The following FSTL1 variants were observed in gnomAD, a reference collection of about 807,000 sequenced individuals.
FSTL1 encodes the protein follistatin like 1, also known as follistatin-related protein 1.
FSTL1 carries 24 observed loss-of-function variants against 45.9 expected under a neutral mutation model. The observed-to-expected ratio is 0.52, with a 90% confidence interval of 0.38 to 0.74. The LOEUF (loss-of-function observed/expected upper bound fraction) is 0.74, where lower values mean the gene tolerates loss of function less well. FSTL1 is among the 30% of genes least tolerant of loss of function. The pLI is 0.00. For synonymous variants in FSTL1, 120 were observed against 137.6 expected, an observed-to-expected ratio of 0.87 and a Z score of 0.89; for missense variants, 340 against 381.8, an observed-to-expected ratio of 0.89 and a Z score of 0.91.
rs139399236 is a variant in FSTL1 at position 120,450,069 on chromosome 3, C to CG, written c.63+614dup. On this transcript the variant is annotated intron_variant, in intron 2 of 10. Coordinates refer to ENST00000295633, the MANE Select transcript of FSTL1 (RefSeq NM_007085.5). ...CGCTGAAATGCTTTAACTGGAAACT[C>CG]GAGCCCCCAAAGAGCAGAGCAATGG... Among the ~76,000 whole-genome samples the CG allele has an allele frequency of 3.5e-3, 529 of 152,140 alleles. 5 individuals carry two copies. Among genetic ancestry groups the CG allele is most frequent in the Middle Eastern group, 0.014 (4 of 294 alleles).
intron 3 of FSTL1, among the ~76,000 whole-genome samples, chr3:120,414,655 C>T (rs1357620286): frequency 1.3e-5 from 2 of 151,952 alleles, no homozygotes; most frequent in Non-Finnish European, 2.9e-5. Context: ...AAGAAAACTT[C>T]TTCTGCCTTG....
chr3:120,438,166 G>A (rs80032752), intron 2 of FSTL1: 8,614 of 152,264 alleles, frequency 0.057, 283 homozygotes, highest in Middle Eastern at 0.075. Context: ...AAGAAAATGT[G>A]AACATTTACA....
chr3:120,450,687 G>C lies in FSTL1; in HGVS notation c.60C>G (p.Ala20=). ...GACTCCTCGGCCCCTCGCCTACCTC[G>C]GCGCGGACCCAGGCGACCGCCACCA... The part of the protein sequence containing the change: ...LALVAVAWVR[A]EEELRSKSKI... Residue 20 remains alanine, a synonymous_variant, in exon 2 of 11, where the codon GCC becomes GCG. Transcript: ENST00000295633. 6.4e-7 allele frequency: 1 copy of C among 1,567,524 alleles called. No homozygotes were observed. Among genetic ancestry groups the C allele is most frequent in the Non-Finnish European group, 8.6e-7 (1 of 1,164,418 alleles).
chr3:120,444,422 A>C (rs562687908), intron 2 of FSTL1, among the ~76,000 whole-genome samples: 2 of 149,758 alleles, frequency 1.3e-5, no homozygotes, highest in South Asian at 4.1e-4. Context: ...GATTGATTAG[A>C]AATGTCTGTC....
At chr3:120,397,632 T>C (rs763138407) in intron 10 of FSTL1, among the ~76,000 whole-genome samples, 16 of 152,188 alleles carry the variant, frequency 1.1e-4, no homozygotes, top group Non-Finnish European at 2.4e-4. Context: ...GGTGAGTATG[T>C]GAAGAAATTG....
At chr3:120,445,640 A>C (rs1937722338) in intron 2 of FSTL1, among the ~76,000 whole-genome samples, 1 of 149,726 alleles carries the variant, frequency 6.7e-6, no homozygotes, top group Non-Finnish European at 1.5e-5. Context: ...TTGCTACCAT[A>C]AAAGGATCTT....
At chr3:120,446,033 T>C (rs748319623) in intron 2 of FSTL1, among the ~76,000 whole-genome samples, 7 of 151,032 alleles carry the variant, frequency 4.6e-5, no homozygotes, top group Admixed American at 1.3e-4. Context: ...AAAGTGAACC[T>C]ATCTAATGTA....
At chr3:120,433,182 A>T (rs1195871279) in intron 2 of FSTL1, among the ~76,000 whole-genome samples, 7 of 152,250 alleles carry the variant, frequency 4.6e-5, no homozygotes, top group Non-Finnish European at 1.5e-5. Flanking sequence ...TTATATTAAA[A>T]TTGCTGATCA....
At chr3:120,415,749 T>C (rs1228886446) in intron 3 of FSTL1, 174 bp downstream of exon 3, 7 of 507,794 alleles carry the variant, frequency 1.4e-5, no homozygotes, top group Non-Finnish European at 2.5e-5. Context: ...AAAGAAAAAA[T>C]ATCCATGCTT....
At chr3:120,410,878 G>T (rs747501914) in intron 5 of FSTL1, 74 bp downstream of exon 5, 1 of 1,176,990 alleles carries the variant, frequency 8.5e-7, no homozygotes. Context: ...GGCAGGGATT[G>T]TGGAACACAA....
chr3:120,423,395 T>A (rs1385939255), intron 2 of FSTL1: 1 of 151,420 alleles, frequency 6.6e-6, no homozygotes, highest in Non-Finnish European at 1.5e-5. Context: ...TCTGCAATGG[T>A]CTTGTCTAGT....
chr3:120,421,764 C>T (rs143647444), intron 2 of FSTL1, among the ~76,000 whole-genome samples: 134 of 152,310 alleles, frequency 8.8e-4, no homozygotes, highest in African/African-American at 2.9e-3. Flanking sequence ...GCAGTCCCTG[C>T]TATAAGTTTC....
At position 120,402,778 on chromosome 3, in the gene FSTL1, T is replaced by G. The variant is rs190114446; in HGVS notation, c.805+30A>C. Reference sequence around the variant, plus strand: ...ATTTCATGAAGCTCTCTCCTTGCTGTTTTTTCTTTCTGCTTGAAGCACAGC... The same window carrying G: ...ATTTCATGAAGCTCTCTCCTTGCTGGTTTTTCTTTCTGCTTGAAGCACAGC... On this transcript the variant is annotated intron_variant, in intron 9 of 10. Coordinates refer to ENST00000295633, the MANE Select transcript of FSTL1 (RefSeq NM_007085.5). The G allele has an allele frequency of 5.7e-5, 74 of 1,304,968 alleles. 2 individuals are homozygous for G. Among genetic ancestry groups the G allele is most frequent in the East Asian group, 4.8e-4 (21 of 43,466 alleles). 80.8% of individuals were successfully genotyped at this position (1,304,968 alleles called of 1,614,324 possible).
intron 2 of FSTL1, among the ~76,000 whole-genome samples, chr3:120,427,947 A>G (rs1185715508): frequency 6.6e-6 from 1 of 152,186 alleles, no homozygotes; most frequent in Non-Finnish European, 1.5e-5. Flanking sequence ...AGGGGGAAGT[A>G]GAGATGAAGA....
At chr3:120,448,864 A>G (rs1937816812) in intron 2 of FSTL1, among the ~76,000 whole-genome samples, 1 of 152,182 alleles carries the variant, frequency 6.6e-6, no homozygotes, top group African/African-American at 2.4e-5. Flanking sequence ...TGGGCCACAC[A>G]GCCTGGTAAG....
rs928892262 is a variant in FSTL1, at chr3:120,450,724, A to G, written c.23T>C (p.Leu8Pro). 1.3e-6 allele frequency: 1 copy of G among 744,426 alleles called. No individual in the cohort carries two copies. Among genetic ancestry groups the G allele is most frequent in the Admixed American group, 2.1e-5 (1 of 47,968 alleles). The allele number at this position is 744,426 out of a possible 1,614,324, so 46.1% of individuals were successfully genotyped here. ...GGCGACCGCCACCAGCGCGAGCGCG[A>G]GCGCGAGCCAGCGTTTCCACATCTG... is the stretch of plus-strand genomic sequence containing the variant. MWKRWLA[L>P]ALALVAVAWV... Residue 8 changes from leucine to proline, a missense_variant, in exon 2 of 11, where the codon CTC becomes CCC. Coordinates refer to ENST00000295633, the MANE Select transcript of FSTL1 (RefSeq NM_007085.5).
intron 10 of FSTL1, among the ~76,000 whole-genome samples, chr3:120,399,154 G>C (rs752345695): frequency 3.9e-5 from 6 of 152,174 alleles, no homozygotes; most frequent in Non-Finnish European, 7.3e-5. Context: ...TCGGTCTACG[G>C]ACAGGTAATG....
intron 3 of FSTL1, among the ~76,000 whole-genome samples, chr3:120,415,317 A>G (rs1937168216): frequency 6.6e-6 from 1 of 152,242 alleles, no homozygotes; most frequent in Non-Finnish European, 1.5e-5. Context: ...CTGAATGTCC[A>G]TCTATGGGAA....
intron 6 of FSTL1, among the ~76,000 whole-genome samples, chr3:120,407,777 G>T (rs1349872557): frequency 6.6e-6 from 1 of 152,246 alleles, no homozygotes; most frequent in Admixed American, 6.5e-5. Context: ...TGTCTGGGAA[G>T]AGGGGATTTT....
Sources: gnomAD v4.1 joint callset for allele counts (sites outside exome capture counted in the v4.1 genomes callset) on GRCh38, gnomAD v4.1.1 for gene constraint, MANE v1.5 for transcripts, NCBI Gene and HGNC (gene_info 2026-07-23, HGNC 2026-07-21) for gene names.